APP: variants seen among roughly 807,000 people sequenced by gnomAD.
APP encodes amyloid beta precursor protein.
APP carries 31 observed loss-of-function variants against 101.4 expected under a neutral mutation model. The observed-to-expected ratio is 0.31, with a 90% CI of 0.23 to 0.41. The LOEUF is 0.41. Among genes scored for constraint, APP ranks in the 10% least tolerant of loss-of-function variants. The pLI is 1.00. For missense variants in APP, 839 were observed against 1,003.7 expected, an observed-to-expected ratio of 0.84 and a Z score of 2.22; for synonymous variants, 366 against 364.4, an observed-to-expected ratio of 1.00 and a Z score of -0.05.
chr21:26,039,062 C>T (rs544526427), intron 5 of APP, among the ~76,000 whole-genome samples: 5 of 152,236 alleles, frequency 3.3e-5, no homozygotes, highest in South Asian at 2.1e-4. Context: ...TACTTGGATG[C>T]GTCTATTACA....
At chr21:26,049,449 A>G (rs1457616737) in intron 5 of APP, among the ~76,000 whole-genome samples, 1 of 152,160 alleles carries the variant, frequency 6.6e-6, no homozygotes, top group African/African-American at 2.4e-5. Context: ...CTGGGAACCA[A>G]GGAGAATGAA....
chr21:25,887,537 A>AT (rs1387228901), intron 17 of APP, among the ~76,000 whole-genome samples: 10 of 145,688 alleles, frequency 6.9e-5, no homozygotes, highest in Non-Finnish European at 1.2e-4. Flanking sequence ...AAAAAAAAAA[A>AT]AAACAACAAC....
chr21:26,113,407 C>T (rs1437920147), intron 1 of APP, among the ~76,000 whole-genome samples: 1 of 152,144 alleles, frequency 6.6e-6, no homozygotes, highest in Non-Finnish European at 1.5e-5. Context: ...TACCTCTGGC[C>T]ATTTTAGTCA....
At chr21:26,157,914 T>G (rs564990082) in intron 1 of APP, among the ~76,000 whole-genome samples, 1 of 152,324 alleles carries the variant, frequency 6.6e-6, no homozygotes, top group Non-Finnish European at 1.5e-5. Flanking sequence ...GTCAAGCTCT[T>G]TTCTAAAAAC....
chr21:26,028,429 T>C (rs1464924659), intron 5 of APP, among the ~76,000 whole-genome samples: 1 of 152,106 alleles, frequency 6.6e-6, no homozygotes, highest in Non-Finnish European at 1.5e-5. Context: ...CCGGAAGTGA[T>C]AGGTGGCTGT....
chr21:26,109,201 T>G (rs921578867), intron 2 of APP, among the ~76,000 whole-genome samples: 1 of 152,210 alleles, frequency 6.6e-6, no homozygotes, highest in African/African-American at 2.4e-5. Context: ...GAAGAACCAC[T>G]CTGTGCTCAA....
intron 3 of APP, among the ~76,000 whole-genome samples, chr21:26,058,452 G>A (rs2145983575): frequency 6.6e-6 from 1 of 152,320 alleles, no homozygotes; most frequent in South Asian, 2.1e-4. Flanking sequence ...TATCAAACAG[G>A]CGAGTAGCAG....
At chr21:25,969,974 G>C (rs2041966242) in intron 11 of APP, among the ~76,000 whole-genome samples, 1 of 83,828 alleles carries the variant, frequency 1.2e-5, no homozygotes, top group Non-Finnish European at 2.2e-5. Flanking sequence ...GGGAGGGAAG[G>C]AAGGAAGGCA....
intron 3 of APP, among the ~76,000 whole-genome samples, chr21:26,069,613 C>T (rs893736751): frequency 3.3e-5 from 5 of 152,298 alleles, no homozygotes; most frequent in Middle Eastern, 3.4e-3. Context: ...AAGTGTGAGA[C>T]TCAATAAATA....
intron 11 of APP, among the ~76,000 whole-genome samples, chr21:25,964,424 G>A (rs1047387023): frequency 2.5e-4 from 38 of 152,036 alleles, no homozygotes; most frequent in Non-Finnish European, 1.3e-4. Context: ...TGCAGAAAGA[G>A]GAGAAAAATT....
At chr21:25,954,961 C>A (rs2041252157) in intron 12 of APP, among the ~76,000 whole-genome samples, 2 of 141,676 alleles carry the variant, frequency 1.4e-5, no homozygotes, top group Non-Finnish European at 3.1e-5. Context: ...AAGACTTGAT[C>A]TTGAAACTTA....
chr21:25,958,491 ATGGTC>A, intron 11 of APP, among the ~76,000 whole-genome samples: 1 of 152,048 alleles, frequency 6.6e-6, no homozygotes, highest in Non-Finnish European at 1.5e-5. Context: ...GTTAGCCAGG[ATGGTC>A]TCCATCTCCT....
rs2037530936 is a variant in APP at position 25,889,166 on chromosome 21, A to G, written c.2211+2556T>C. On this transcript the variant is annotated intron_variant, in intron 17 of 17. Transcript: ENST00000346798. Reference sequence around the variant, plus strand: ...TAAGCTGCCAGTACCTCCACCTGTGACTGTATTTGCAGATAGGGTCGAAGA... The same window carrying G: ...TAAGCTGCCAGTACCTCCACCTGTGGCTGTATTTGCAGATAGGGTCGAAGA... 2.0e-5 allele frequency among the ~76,000 whole-genome samples: 3 copies of G among 152,208 alleles called. No individual in the cohort carries two copies. In the South Asian group the frequency reaches 6.2e-4, roughly 31 times the overall value.
At chr21:25,885,303 C>T (rs1227742360) in intron 17 of APP, among the ~76,000 whole-genome samples, 1 of 152,250 alleles carries the variant, frequency 6.6e-6, no homozygotes, top group African/African-American at 2.4e-5. Flanking sequence ...GGCTAAGCTA[C>T]AGCAGTGGCA....
At chr21:25,908,990 G>A (rs1364888488) in intron 14 of APP, among the ~76,000 whole-genome samples, 1 of 152,066 alleles carries the variant, frequency 6.6e-6, no homozygotes, top group Admixed American at 6.6e-5. Context: ...GGGGCCGGGC[G>A]CCGTGGCTCA....
At chr21:25,969,127 CAG>C (rs2041907998) in intron 11 of APP, among the ~76,000 whole-genome samples, 1 of 150,816 alleles carries the variant, frequency 6.6e-6, no homozygotes, top group South Asian at 2.1e-4. Context: ...ATCACGAGGT[CAG>C]GAGATCCAGA....
chr21:25,886,997 C>G (rs913536197), intron 17 of APP, among the ~76,000 whole-genome samples: 3 of 151,548 alleles, frequency 2.0e-5, no homozygotes, highest in Non-Finnish European at 4.4e-5. Flanking sequence ...AAAAGGAACT[C>G]TCTTCTTATT....
At chr21:25,987,569 C>G (rs1255240053) in intron 8 of APP, among the ~76,000 whole-genome samples, 1 of 152,160 alleles carries the variant, frequency 6.6e-6, no homozygotes, top group African/African-American at 2.4e-5. Context: ...ACACTCATAA[C>G]AAATGAAAAA....
At chr21:26,149,303 C>T (rs1290403369) in intron 1 of APP, among the ~76,000 whole-genome samples, 3 of 152,178 alleles carry the variant, frequency 2.0e-5, no homozygotes, top group African/African-American at 7.2e-5. Flanking sequence ...GGCCAGCTCC[C>T]TCCCAGCTGG....
Sources: gnomAD v4.1 joint callset for allele counts (sites outside exome capture counted in the v4.1 genomes callset) on GRCh38, gnomAD v4.1.1 for gene constraint, MANE v1.5 for transcripts, NCBI Gene and HGNC (gene_info 2026-07-23, HGNC 2026-07-21) for gene names.